Variants in UMODL1 observed in about 807,000 individuals in gnomAD.
The protein encoded by UMODL1 is uromodulin-like 1.
In UMODL1, 128 loss-of-function variants were observed where a neutral mutation model predicts 136.3. The ratio of observed to expected loss-of-function variants is 0.94; its 90% CI spans 0.81 to 1.09. The LOEUF (loss-of-function observed/expected upper bound fraction) is 1.09, where lower values mean the gene tolerates loss of function less well. Among genes scored for constraint, UMODL1 ranks in the 50% least tolerant of loss-of-function variants. UMODL1 has a pLI of 0.00. For missense variants in UMODL1, 1,766 were observed against 1,725.6 expected (o/e 1.02, Z -0.41); for synonymous variants, 721 against 720.0 (o/e 1.00, Z -0.02).
chr21:42,068,346 T>C (rs1002379150), upstream of UMODL1, among the ~76,000 whole-genome samples: 1 of 152,126 alleles, frequency 6.6e-6, no homozygotes, highest in Non-Finnish European at 1.5e-5. The surrounding 1 kb of genome is among the most constrained non-coding windows in gnomAD (Gnocchi z 5.5). Context: ...GCATTTTCTA[T>C]ATGTTCCCTC....
intron 14 of UMODL1, among the ~76,000 whole-genome samples, chr21:42,118,258 A>T (rs1251600850): frequency 6.6e-6 from 1 of 152,238 alleles, no homozygotes; most frequent in African/African-American, 2.4e-5. Flanking sequence ...TGAGCCAACC[A>T]AGGGCAGCTG....
At chr21:42,076,639 C>G (rs1288357763) in intron 2 of UMODL1, among the ~76,000 whole-genome samples, 1 of 152,166 alleles carries the variant, frequency 6.6e-6, no homozygotes, top group Non-Finnish European at 1.5e-5. Context: ...CGGAAGTTTT[C>G]AAAGCTCCCA....
At position 42,142,524 on chromosome 21, in the gene UMODL1, A is replaced by T. The variant is rs2067296436; in HGVS notation, c.*450A>T. ...CTTTGGCAAATATAGAATATTTCAC[A>T]TTCTCAGAGAGACCCGACCGCGCTC... On this transcript the variant is annotated 3_prime_UTR_variant, in exon 23 of 23. Transcript: ENST00000408910. The T allele has an allele frequency of 6.6e-6, 1 of 152,236 alleles. No homozygotes were observed. The highest frequency in any genetic ancestry group is 1.5e-5 in the Non-Finnish European group (1 of 68,044). 9.4% of individuals were successfully genotyped at this position (152,236 alleles called of 1,614,324 possible).
At chr21:42,088,631 T>C (rs1336634182) in intron 5 of UMODL1, 151 bp downstream of exon 5, 11 of 853,892 alleles carry the variant, frequency 1.3e-5, no homozygotes, top group Middle Eastern at 2.5e-4. Context: ...TCAAGTGTGT[T>C]CATCCCACAG....
chr21:42,108,927 G>T (rs2066769767), intron 9 of UMODL1, among the ~76,000 whole-genome samples: 1 of 39,650 alleles, frequency 2.5e-5, no homozygotes, highest in Admixed American at 4.1e-4. Context: ...CCCCCCACGA[G>T]AGAAGTCCAT....
rs539286814 is a variant in UMODL1 at position 42,142,533 on chromosome 21, G to C, written c.*459G>C. On this transcript the variant is annotated 3_prime_UTR_variant, in exon 23 of 23. Transcript: ENST00000408910. ...ATATAGAATATTTCACATTCTCAGA[G>C]AGACCCGACCGCGCTCTTGATGCTC... is the stretch of plus-strand genomic sequence containing the variant. 9.8e-5 allele frequency: 15 copies of C among 152,362 alleles called. No homozygotes were observed. The highest frequency in any genetic ancestry group is 3.6e-4 in the African/African-American group (15 of 41,584). The allele number at this position is 152,362 out of a possible 1,614,324, so 9.4% of individuals were successfully genotyped here. A position where few individuals can be genotyped will look rare whatever the true frequency, so the allele number is the denominator to read the frequency against.
In UMODL1 at chr21:42,113,611, A is replaced by T; in HGVS notation, c.2143A>T (p.Thr715Ser). 1 of 1,614,026 alleles carries T rather than the reference A, an allele frequency of 6.2e-7. No individual in the cohort carries two copies. The highest frequency in any genetic ancestry group is 1.1e-5 in the South Asian group (1 of 91,076). The change falls in exon 13 of 23, where the codon ACC (threonine) becomes TCC (serine). Residue 715 changes from threonine (T) to serine (S), a missense_variant. Coordinates refer to ENST00000408910, the MANE Select transcript of UMODL1 (RefSeq NM_001004416.3). ...SIGRIMVSNVTSTGFHLAWEA... is the reference protein window; with the variant it reads ...SIGRIMVSNVSSTGFHLAWEA... Reference sequence around the variant, plus strand: ...TGGGAGGATCATGGTCTCCAATGTGACCAGCACCGGCTTCCACCTGGCATG... The same window carrying T: ...TGGGAGGATCATGGTCTCCAATGTGTCCAGCACCGGCTTCCACCTGGCATG...
At chr21:42,080,112 A>AT (rs1396601368) in intron 2 of UMODL1, among the ~76,000 whole-genome samples, 1 of 152,138 alleles carries the variant, frequency 6.6e-6, no homozygotes, top group Non-Finnish European at 1.5e-5. Flanking sequence ...TACACCCCGG[A>AT]TTTTGGCAGC....
intron 14 of UMODL1, among the ~76,000 whole-genome samples, chr21:42,118,232 G>A (rs374059479): frequency 6.6e-6 from 1 of 152,218 alleles, no homozygotes; most frequent in African/African-American, 2.4e-5. Flanking sequence ...AGATGGTCAC[G>A]ACAACAGTCA....
rs1446139986 is a variant in UMODL1, at chr21:42,090,440, T to C, written c.931+2T>C. On this transcript the variant is annotated splice_donor_variant, in intron 6 of 22. Coordinates refer to ENST00000408910, the MANE Select transcript of UMODL1 (RefSeq NM_001004416.3). LOFTEE classifies it high-confidence loss of function. ...GGAAGCTGAACCTGGAGTGGGAAGG[T>C]AATGGCTAGGCTCTCTCAGATGGCA... 2 of 1,613,746 alleles carry C rather than the reference T, an allele frequency of 1.2e-6. No homozygotes were observed. Among genetic ancestry groups the C allele is most frequent in the Non-Finnish European group, 1.7e-6 (2 of 1,179,902 alleles).
intron 11 of UMODL1, 163 bp downstream of exon 11, chr21:42,111,284 C>G: frequency 7.2e-7 from 1 of 1,385,106 alleles, no homozygotes; most frequent in Non-Finnish European, 9.6e-7. Context: ...CCAGGTGAAC[C>G]CCAGCCAGCG....
rs60789191 is a variant in UMODL1, at chr21:42,076,317, G to A, written c.319+70G>A. The A allele has an allele frequency of 8.8e-3, 14,016 of 1,593,250 alleles. 791 individuals carry two copies. The African/African-American group carries it at 0.14, about 16-fold the overall frequency. On this transcript the variant is annotated intron_variant, in intron 2 of 22. Transcript: ENST00000408910. ...CGAGACGCCTGATGGGACAGTCACC[G>A]TTGGCATCCATTGGCCCCGAACTTG...
rs112474972 is a variant in UMODL1, at chr21:42,081,027, G to A, written c.320-3057G>A. On this transcript the variant is annotated intron_variant, in intron 2 of 22. Transcript: ENST00000408910. ...CTGTGCACAAGTTGGATTATGCGCT[G>A]AGGATGAATTCTGAGAAGTGGAACC... Among the ~76,000 whole-genome samples the A allele has an allele frequency of 4.5e-3, 678 of 152,348 alleles. 7 individuals carry two copies. Among genetic ancestry groups the A allele is most frequent in the African/African-American group, 0.016 (649 of 41,582 alleles).
chr21:42,090,846 T>A (rs570748879), intron 6 of UMODL1, among the ~76,000 whole-genome samples: 2 of 152,378 alleles, frequency 1.3e-5, no homozygotes, highest in Non-Finnish European at 2.9e-5. Flanking sequence ...TGTTTAGAAG[T>A]AATTCCAAGA....
intron 4 of UMODL1, among the ~76,000 whole-genome samples, chr21:42,087,096 G>A (rs868148360): frequency 1.3e-5 from 2 of 152,198 alleles, no homozygotes; most frequent in Non-Finnish European, 2.9e-5. Context: ...GGCCTGAGAT[G>A]TTGTGGTTGT....
intron 1 of UMODL1, among the ~76,000 whole-genome samples, chr21:42,073,869 C>T (rs1020229747): frequency 2.6e-5 from 4 of 152,310 alleles, no homozygotes; most frequent in African/African-American, 7.2e-5. Context: ...GAGCCCCCAC[C>T]TCTTGGGGGT....
At chr21:42,073,030 G>GCA (rs1225081072) in intron 1 of UMODL1, among the ~76,000 whole-genome samples, 6 of 152,034 alleles carry the variant, frequency 3.9e-5, no homozygotes, top group South Asian at 2.1e-4. Context: ...GTGCGCGCGC[G>GCA]CGTGTGTGTG....
At position 42,085,475 on chromosome 21, in the gene UMODL1, G is replaced by A. The variant is rs2066415765; in HGVS notation, c.603+63G>A. 1 of 1,610,098 alleles carries A rather than the reference G, an allele frequency of 6.2e-7. No homozygotes were observed. The highest frequency in any genetic ancestry group is 1.1e-5 in the South Asian group (1 of 90,876). On this transcript the variant is annotated intron_variant, in intron 4 of 22. Coordinates refer to ENST00000408910, the MANE Select transcript of UMODL1 (RefSeq NM_001004416.3). The surrounding 1 kb of genome is among the most constrained non-coding windows in gnomAD (Gnocchi z 4.5). ...GTGGCAGCTGCTCAGGCAGACCCAG[G>A]TATGGGGCCGTGGAAGGGACCTGGG... is the stretch of plus-strand genomic sequence containing the variant.
intron 2 of UMODL1, among the ~76,000 whole-genome samples, chr21:42,081,132 G>A (rs573181767): frequency 7.2e-5 from 11 of 152,268 alleles, no homozygotes; most frequent in African/African-American, 1.9e-4. Flanking sequence ...ACTCAGCCTC[G>A]TTAGGCAAGT....
Sources: gnomAD v4.1 joint callset for allele counts (sites outside exome capture counted in the v4.1 genomes callset) on GRCh38, gnomAD v4.1.1 for gene constraint, Gnocchi (gnomAD v3.1) non-coding constraint, MANE v1.5 for transcripts, NCBI Gene and HGNC (gene_info 2026-07-23, HGNC 2026-07-21) for gene names.